UTRN: variants seen among roughly 807,000 people sequenced by gnomAD.
UTRN encodes the protein dystrophin-related protein 1.
Under a neutral mutation model 463.9 loss-of-function variants are expected in UTRN, and 283 were observed. That is an observed-to-expected ratio of 0.61 (90% CI 0.55 to 0.67). The LOEUF is 0.67. Among genes scored for constraint, UTRN ranks in the 30% least tolerant of loss-of-function variants. The pLI, the probability that UTRN is intolerant of heterozygous loss-of-function variation, is 0.00. For synonymous variants in UTRN, 1,442 were observed against 1,431.5 expected (o/e 1.01, Z -0.17); for missense variants, 3,922 against 4,084.3 (o/e 0.96, Z 1.08).
chr6:144,471,391 C>A (rs1320132945), intron 23 of UTRN, among the ~76,000 whole-genome samples: 3 of 152,128 alleles, frequency 2.0e-5, no homozygotes, highest in Non-Finnish European at 4.4e-5. Context: ...TATCAGTTTT[C>A]CTTATTCAAA....
At chr6:144,706,891 A>G (rs1366296628) in intron 53 of UTRN, 1 of 152,158 alleles carries the variant, frequency 6.6e-6, no homozygotes, top group Non-Finnish European at 1.5e-5. Flanking sequence ...AATACTGCCC[A>G]TGATAGACAG....
chr6:144,544,729 A>G (rs1798254046), intron 46 of UTRN, among the ~76,000 whole-genome samples: 1 of 151,944 alleles, frequency 6.6e-6, no homozygotes, highest in Middle Eastern at 3.4e-3. Flanking sequence ...TCGTTTTCCC[A>G]CCAGAGAATC....
intron 2 of UTRN, among the ~76,000 whole-genome samples, chr6:144,348,448 A>T (rs530509496): frequency 8.5e-5 from 13 of 152,338 alleles, no homozygotes; most frequent in Non-Finnish European, 1.8e-4. Flanking sequence ...AAAGGAACAC[A>T]GAATTTGGAG....
chr6:144,699,867 G>A (rs1419842362), intron 52 of UTRN, among the ~76,000 whole-genome samples: 1 of 148,022 alleles, frequency 6.8e-6, no homozygotes, highest in Non-Finnish European at 1.5e-5. Flanking sequence ...ATATACTTAT[G>A]TAATATATGT....
At chr6:144,375,870 G>A (rs1050696617) in intron 2 of UTRN, among the ~76,000 whole-genome samples, 7 of 152,188 alleles carry the variant, frequency 4.6e-5, no homozygotes, top group Admixed American at 3.3e-4. Context: ...CTAGTGCACA[G>A]CCTGGTCTCT....
chr6:144,547,112 G>T (rs1798486378), intron 46 of UTRN, among the ~76,000 whole-genome samples: 1 of 152,176 alleles, frequency 6.6e-6, no homozygotes, highest in Non-Finnish European at 1.5e-5. Context: ...TCTGATGGTG[G>T]TCCTGTGGAT....
intron 42 of UTRN, among the ~76,000 whole-genome samples, chr6:144,532,648 T>C (rs182143818): frequency 1.3e-5 from 2 of 152,300 alleles, no homozygotes; most frequent in African/African-American, 2.4e-5. Flanking sequence ...CTTAGTAAAA[T>C]GTGCATTTAG....
At chr6:144,382,005 T>G (rs1281799240) in intron 2 of UTRN, among the ~76,000 whole-genome samples, 1 of 152,230 alleles carries the variant, frequency 6.6e-6, no homozygotes. Context: ...TTCTTCAACC[T>G]CGCTAGCATC....
chr6:144,720,946 C>T (rs912697783), intron 53 of UTRN, among the ~76,000 whole-genome samples: 4 of 152,116 alleles, frequency 2.6e-5, no homozygotes, highest in South Asian at 2.1e-4. Context: ...TTTGCCTTCT[C>T]TTATGCCTAA....
chr6:144,308,808 G>A (rs1805985286), intron 2 of UTRN, among the ~76,000 whole-genome samples: 2 of 151,996 alleles, frequency 1.3e-5, no homozygotes, highest in Admixed American at 1.3e-4. Context: ...ACATGCTATT[G>A]TTTTTCTTCT....
intron 54 of UTRN, 107 bp from the exon 55 acceptor site, chr6:144,748,139 T>A: frequency 7.2e-7 from 1 of 1,390,122 alleles, no homozygotes; most frequent in Non-Finnish European, 9.5e-7. Flanking sequence ...TAATTTTTTC[T>A]TACTTTTTCT....
At chr6:144,389,527 A>G (rs1781715593) in intron 2 of UTRN, among the ~76,000 whole-genome samples, 1 of 151,512 alleles carries the variant, frequency 6.6e-6, no homozygotes, top group Admixed American at 6.6e-5. Flanking sequence ...TTATTTTTTA[A>G]TGGAGAGACA....
At chr6:144,521,032 T>C (rs1796041964) in intron 39 of UTRN, among the ~76,000 whole-genome samples, 1 of 152,006 alleles carries the variant, frequency 6.6e-6, no homozygotes, top group Admixed American at 6.5e-5. Flanking sequence ...ATGCCTGTAA[T>C]CCCAGCACTT....
At chr6:144,747,746 T>C (rs1047101220) in intron 54 of UTRN, among the ~76,000 whole-genome samples, 8 of 152,204 alleles carry the variant, frequency 5.3e-5, no homozygotes, top group Non-Finnish European at 1.2e-4. Context: ...AGATGATCAC[T>C]ATCTAAGGTA....
intron 57 of UTRN, 122 bp from the exon 58 acceptor site, chr6:144,757,807 G>A: frequency 3.8e-6 from 3 of 791,362 alleles, no homozygotes; most frequent in Non-Finnish European, 5.8e-6. Context: ...ATAATTATAG[G>A]AATCCAGCTC....
At chr6:144,744,907 T>A (rs1204402985) in intron 54 of UTRN, among the ~76,000 whole-genome samples, 1 of 152,216 alleles carries the variant, frequency 6.6e-6, no homozygotes, top group African/African-American at 2.4e-5. Context: ...TTCAGCTACA[T>A]GGTCCAGAGA....
At chr6:144,699,473 G>GTTTTTTTTTTTTTTTTTTTT (rs71024902) in intron 52 of UTRN, among the ~76,000 whole-genome samples, 2 of 67,602 alleles carry the variant, frequency 3.0e-5, no homozygotes, top group Non-Finnish European at 5.2e-5. Flanking sequence ...TTAGTCAGTG[G>GTTTTTTTTTTTTTTTTTTTT]TTTTTTTTTT....
At chr6:144,347,844 TTTTTTG>T (rs1265953102) in intron 2 of UTRN, among the ~76,000 whole-genome samples, 92 of 145,394 alleles carry the variant, frequency 6.3e-4, no homozygotes, top group African/African-American at 2.4e-3. Flanking sequence ...TTTGTTTTTT[TTTTTTG>T]TTTTTTTTTT....
At chr6:144,421,105 C>T (rs969911687) in intron 3 of UTRN, among the ~76,000 whole-genome samples, 31 of 152,126 alleles carry the variant, frequency 2.0e-4, no homozygotes, top group African/African-American at 7.2e-4. Context: ...CTCCTGGGTT[C>T]AAGCAACTCT....
Sources: gnomAD v4.1 joint callset for allele counts (sites outside exome capture counted in the v4.1 genomes callset) on GRCh38, gnomAD v4.1.1 for gene constraint, MANE v1.5 for transcripts, NCBI Gene and HGNC (gene_info 2026-07-23, HGNC 2026-07-21) for gene names.